Variants in SLC25A48 observed in about 807,000 individuals in gnomAD.
SLC25A48 encodes the protein solute carrier family 25 member 48.
Under a neutral mutation model 32.2 loss-of-function variants are expected in SLC25A48, and 29 were observed. That is an observed-to-expected ratio of 0.90 (90% confidence interval 0.67 to 1.23). The LOEUF (loss-of-function observed/expected upper bound fraction) is 1.23, where lower values mean the gene tolerates loss of function less well. Among genes scored for constraint, SLC25A48 ranks in the 50% most tolerant of loss-of-function variants. SLC25A48 has a pLI of 0.00. For missense variants in SLC25A48, 399 were observed against 422.7 expected, an observed-to-expected ratio of 0.94 and a Z score of 0.49; for synonymous variants, 164 against 172.3, an observed-to-expected ratio of 0.95 and a Z score of 0.38.
At chr5:135,660,289 A>G (rs907201638) in intron 3 of SLC25A48, among the ~76,000 whole-genome samples, 1 of 152,240 alleles carries the variant, frequency 6.6e-6, no homozygotes, top group East Asian at 1.9e-4. Flanking sequence ...CAATGATGAT[A>G]CAATCAAGAT....
chr5:135,790,897 C>T (rs931189234), intron 3 of SLC25A48, among the ~76,000 whole-genome samples: 4 of 151,442 alleles, frequency 2.6e-5, no homozygotes, highest in African/African-American at 7.3e-5. Context: ...GGATGTTACT[C>T]CTAATGTCAC....
chr5:135,646,659 T>TTTTATATATATATATATATATATA (rs1339935279), intron 3 of SLC25A48, among the ~76,000 whole-genome samples: 11 of 125,400 alleles, frequency 8.8e-5, no homozygotes, highest in African/African-American at 3.3e-4. Flanking sequence ...TAATTTCCCA[T>TTTTATATATATATATATATATATA]TATATATATA....
chr5:135,785,283 G>A (rs1255359500), intron 3 of SLC25A48, among the ~76,000 whole-genome samples: 1 of 152,060 alleles, frequency 6.6e-6, no homozygotes. Flanking sequence ...TGGAACGGGG[G>A]ATGGAACACC....
chr5:135,887,452 A>ATGTGTGTG (rs372688192), intron 7 of SLC25A48, among the ~76,000 whole-genome samples: 34 of 149,646 alleles, frequency 2.3e-4, no homozygotes, highest in African/African-American at 7.9e-4. Flanking sequence ...AAAAATACAT[A>ATGTGTGTG]TGTGTGTGTG....
chr5:135,787,763 G>A (rs1281360265), intron 3 of SLC25A48, among the ~76,000 whole-genome samples: 1 of 151,836 alleles, frequency 6.6e-6, no homozygotes, highest in Non-Finnish European at 1.5e-5. Context: ...TGTACACGCT[G>A]TGATATTGTT....
At chr5:135,772,735 C>T (rs530111996) in intron 3 of SLC25A48, among the ~76,000 whole-genome samples, 55 of 151,428 alleles carry the variant, frequency 3.6e-4, no homozygotes, top group Admixed American at 1.1e-3. Context: ...CTCTCAATAT[C>T]GCAGATGGTG....
chr5:135,747,170 T>C (rs1438465787), intron 3 of SLC25A48, among the ~76,000 whole-genome samples: 1 of 152,032 alleles, frequency 6.6e-6, no homozygotes, highest in Non-Finnish European at 1.5e-5. Flanking sequence ...TGAAAGACCA[T>C]GTGACCATCT....
rs1761544937 is a variant in SLC25A48, at chr5:135,870,431, G to C, written c.422-1030G>C. ...AAGACAAGCATCAGAGTGGGAGATG[G>C]GTAGCAAATGAGAGAGAGGCAGAGT... is the stretch of plus-strand genomic sequence containing the variant. On this transcript the variant is annotated intron_variant, in intron 4 of 7. Transcript: ENST00000681962. Among the ~76,000 whole-genome samples, 6 of 152,250 alleles carry C rather than the reference G, an allele frequency of 3.9e-5. No homozygotes were observed. In the South Asian group the frequency reaches 1.2e-3, roughly 32 times the overall value.
At chr5:135,868,137 A>G (rs1207676851) in intron 4 of SLC25A48, among the ~76,000 whole-genome samples, 2 of 152,256 alleles carry the variant, frequency 1.3e-5, no homozygotes, top group Non-Finnish European at 2.9e-5. Context: ...AATACAAAGT[A>G]TAGTTCAATT....
rs1755109112 is a variant in SLC25A48 at position 135,727,173 on chromosome 5, A to AT, written c.-520-85349dup. Among the ~76,000 whole-genome samples the AT allele has an allele frequency of 2.4e-5, 3 of 125,822 alleles. No homozygotes were observed. In the South Asian group the frequency reaches 9.4e-4, roughly 39 times the overall value. 82.5% of individuals were successfully genotyped at this position (125,822 alleles called of 152,430 possible). A position where few individuals can be genotyped will look rare whatever the true frequency, so the allele number is the denominator to read the frequency against. On this transcript the variant is annotated intron_variant, in intron 3 of 10. Coordinates refer to the SLC25A48 transcript ENST00000646290. ...TTTTTTTTTACTGTTTTTTACATATATAGCCACAGGCTATATATATATATA... is the reference window on the plus strand; with the variant it reads ...TTTTTTTTTACTGTTTTTTACATATATTAGCCACAGGCTATATATATATATA...
intron 3 of SLC25A48, among the ~76,000 whole-genome samples, chr5:135,775,732 A>G (rs1756539461): frequency 1.3e-5 from 2 of 151,596 alleles, no homozygotes; most frequent in Non-Finnish European, 2.9e-5. Flanking sequence ...CCAGGGGGGA[A>G]GGGATAATAT....
chr5:135,609,776 A>C (rs1050616082), intron 1 of SLC25A48: 1 of 152,250 alleles, frequency 6.6e-6, no homozygotes, highest in Admixed American at 6.5e-5. Context: ...ACTTATTATC[A>C]TCTATATAAA....
At chr5:135,631,936 C>T (rs571395623) in intron 2 of SLC25A48, among the ~76,000 whole-genome samples, 3 of 152,116 alleles carry the variant, frequency 2.0e-5, no homozygotes, top group Non-Finnish European at 2.9e-5. Context: ...TTTTGAAGTC[C>T]AACCCAGGGG....
At chr5:135,755,613 T>C (rs1350333211) in intron 3 of SLC25A48, among the ~76,000 whole-genome samples, 2 of 152,056 alleles carry the variant, frequency 1.3e-5, no homozygotes, top group African/African-American at 4.8e-5. Flanking sequence ...GTCAACGCAC[T>C]ATGGTATTAA....
chr5:135,698,058 C>A (rs966614762), intron 3 of SLC25A48, among the ~76,000 whole-genome samples: 1 of 152,232 alleles, frequency 6.6e-6, no homozygotes, highest in South Asian at 2.1e-4. Context: ...GCCTCGCCAC[C>A]TTTAGGTCTG....
intron 4 of SLC25A48, among the ~76,000 whole-genome samples, chr5:135,857,039 G>A (rs2126756295): frequency 6.6e-6 from 1 of 152,356 alleles, no homozygotes; most frequent in Non-Finnish European, 1.5e-5. Context: ...GGGAGGAAAT[G>A]GGGGTAGCTT....
At chr5:135,639,150 A>G (rs942742642) in intron 3 of SLC25A48, among the ~76,000 whole-genome samples, 2 of 152,238 alleles carry the variant, frequency 1.3e-5, no homozygotes, top group African/African-American at 4.8e-5. Flanking sequence ...AGTGCATTCA[A>G]TATGTTCTTT....
At chr5:135,851,891 G>T (rs1428270992) in intron 3 of SLC25A48, among the ~76,000 whole-genome samples, 2 of 152,144 alleles carry the variant, frequency 1.3e-5, no homozygotes, top group South Asian at 4.1e-4. Flanking sequence ...CAGCCTGTGT[G>T]TGCGCATCCT....
At chr5:135,726,920 C>T (rs1362943931) in intron 3 of SLC25A48, among the ~76,000 whole-genome samples, 2 of 152,058 alleles carry the variant, frequency 1.3e-5, no homozygotes, top group South Asian at 2.1e-4. Flanking sequence ...ATATTTTCAC[C>T]AGCAATGTAT....
Sources: allele counts gnomAD v4.1 joint callset (sites outside exome capture counted in the v4.1 genomes callset), GRCh38; gene constraint gnomAD v4.1.1; transcripts MANE v1.5; gene names NCBI Gene and HGNC (gene_info 2026-07-23, HGNC 2026-07-21).